ZNF469: variants seen among roughly 807,000 people sequenced by gnomAD.
The protein encoded by ZNF469 is zinc finger protein 469.
In ZNF469, 1 loss-of-function variant was observed where a neutral mutation model predicts 1.0. The observed-to-expected ratio is 1.00, with a 90% CI of 0.35 to 4.73. The LOEUF is 4.73. Among genes scored for constraint, ZNF469 ranks in the 30% most tolerant of loss-of-function variants. The probability of loss-of-function intolerance (pLI) is 0.16; values close to 1 mark genes in which losing one functional copy is unlikely to be tolerated. For synonymous variants in ZNF469, 2,703 were observed against 2,363.4 expected, an observed-to-expected ratio of 1.14 and a Z score of -4.17; for missense variants, 6,100 against 5,356.3, an observed-to-expected ratio of 1.14 and a Z score of -4.33.
the ZNF469 span, among the ~76,000 whole-genome samples, chr16:88,223,764 C>T: frequency 5.9e-5 from 9 of 152,382 alleles, no homozygotes; most frequent in African/African-American, 2.2e-4. Flanking sequence ...CCGCTGTGTC[C>T]TTCCACAGCA....
chr16:88,241,272 T>C, the ZNF469 span, among the ~76,000 whole-genome samples: 1 of 151,568 alleles, frequency 6.6e-6, no homozygotes, highest in Non-Finnish European at 1.5e-5. The surrounding 1 kb of genome is among the most constrained non-coding windows in gnomAD (Gnocchi z 4.8). Context: ...GGCAGGAGAA[T>C]TGCTTGAACT....
At chr16:88,274,865 C>T in the ZNF469 span, among the ~76,000 whole-genome samples, 1 of 152,252 alleles carries the variant, frequency 6.6e-6, no homozygotes, top group Non-Finnish European at 1.5e-5. Context: ...CGCAGACGGA[C>T]ACTGGCAAAC....
At chr16:88,128,902 G>A in the ZNF469 span, among the ~76,000 whole-genome samples, 7 of 152,330 alleles carry the variant, frequency 4.6e-5, no homozygotes, top group South Asian at 4.1e-4. Flanking sequence ...AGCATCTGCC[G>A]CTGCTGAGAA....
the ZNF469 span, among the ~76,000 whole-genome samples, chr16:88,215,383 ATTTTTTT>A: frequency 2.1e-5 from 2 of 94,166 alleles, no homozygotes; most frequent in African/African-American, 4.4e-5. Flanking sequence ...TTGCCTTTTA[ATTTTTTT>A]TTTTTTTTTT....
chr16:88,373,087 T>TA, the ZNF469 span, among the ~76,000 whole-genome samples: 12 of 152,252 alleles, frequency 7.9e-5, no homozygotes, highest in Admixed American at 7.8e-4. Flanking sequence ...AGGCACTCTT[T>TA]TAAGTACTTG....
intron 2 of ZNF469, among the ~76,000 whole-genome samples, chr16:88,427,132 C>G (rs1366449562): frequency 6.6e-6 from 1 of 152,162 alleles, no homozygotes; most frequent in Non-Finnish European, 1.5e-5. Context: ...GGGAAGGGTC[C>G]CTGTTCCATC....
chr16:88,317,782 C>A, the ZNF469 span, among the ~76,000 whole-genome samples: 1 of 152,206 alleles, frequency 6.6e-6, no homozygotes, highest in Admixed American at 6.5e-5. Flanking sequence ...AGGAACCTTC[C>A]AGAAATTCCC....
the ZNF469 span, among the ~76,000 whole-genome samples, chr16:88,272,101 G>T: frequency 6.6e-6 from 1 of 151,768 alleles, no homozygotes; most frequent in South Asian, 2.1e-4. Context: ...ATGAATAGAT[G>T]AGTGGGTAGA....
the ZNF469 span, among the ~76,000 whole-genome samples, chr16:88,285,658 G>A: frequency 5.9e-5 from 9 of 152,238 alleles, no homozygotes; most frequent in Non-Finnish European, 1.2e-4. Context: ...TGGAAGCGTC[G>A]GCACGGTGGG....
At chr16:88,139,743 C>G in the ZNF469 span, among the ~76,000 whole-genome samples, 1 of 152,110 alleles carries the variant, frequency 6.6e-6, no homozygotes, top group South Asian at 2.1e-4. Flanking sequence ...TGCTGTCTGT[C>G]CAGGCTTTGA....
In ZNF469 at chr16:88,430,934, C is replaced by T; in HGVS notation, c.3464C>T (p.Pro1155Leu). Reference sequence around the variant, plus strand: ...GGCGGGGACGGAGCCCCCGCGAACCCCGAGGAGCCGGGCGGGTCTCGCCCG... The same window carrying T: ...GGCGGGGACGGAGCCCCCGCGAACCTCGAGGAGCCGGGCGGGTCTCGCCCG... ...EAGGDGAPAN[P>L]EEPGGSRPGP... is the part of the protein sequence containing the mutation. The change falls in exon 3 of 3, where the codon CCC (proline) becomes CTC (leucine). Residue 1155 changes from proline to leucine, a missense_variant. Transcript: ENST00000565624. 6.5e-7 allele frequency: 1 copy of T among 1,536,128 alleles called. No homozygotes were observed. The highest frequency in any genetic ancestry group is 1.2e-5 in the South Asian group (1 of 83,836).
the ZNF469 span, among the ~76,000 whole-genome samples, chr16:88,330,268 G>C: frequency 6.6e-6 from 1 of 152,240 alleles, no homozygotes; most frequent in African/African-American, 2.4e-5. Context: ...TGGGTGTCCT[G>C]CATGTGTGTG....
chr16:88,130,893 G>T, the ZNF469 span, among the ~76,000 whole-genome samples: 1 of 152,202 alleles, frequency 6.6e-6, no homozygotes, highest in East Asian at 1.9e-4. Context: ...GCGGAGTGGG[G>T]GTGTGAAGTG....
At chr16:88,398,358 CG>C (rs1038626364) in intron 1 of ZNF469, among the ~76,000 whole-genome samples, 2 of 151,426 alleles carry the variant, frequency 1.3e-5, no homozygotes, top group Non-Finnish European at 2.9e-5. Flanking sequence ...ACGTGAGCCA[CG>C]GATGAAGGAG....
At chr16:88,384,256 G>A (rs1392347281) in intron 1 of ZNF469, among the ~76,000 whole-genome samples, 3 of 152,198 alleles carry the variant, frequency 2.0e-5, no homozygotes, top group African/African-American at 2.4e-5. Context: ...TAGTGTCGTG[G>A]ACAGCCCCTG....
the ZNF469 span, among the ~76,000 whole-genome samples, chr16:88,298,822 T>C: frequency 1.3e-5 from 2 of 152,140 alleles, no homozygotes; most frequent in Admixed American, 6.5e-5. Flanking sequence ...CCTTCCATCT[T>C]TGAAGCCAAA....
the ZNF469 span, among the ~76,000 whole-genome samples, chr16:88,203,318 G>T: frequency 6.6e-6 from 1 of 152,160 alleles, no homozygotes; most frequent in Non-Finnish European, 1.5e-5. Flanking sequence ...TTACTCATCC[G>T]CCCGCTCTGT....
intron 1 of ZNF469, among the ~76,000 whole-genome samples, chr16:88,387,192 T>A (rs1904359230): frequency 1.3e-5 from 2 of 152,158 alleles, no homozygotes; most frequent in Non-Finnish European, 2.9e-5. Context: ...CTGAGGACCT[T>A]CCATTGCAAC....
chr16:88,104,248 T>TA, the ZNF469 span, among the ~76,000 whole-genome samples: 316 of 130,476 alleles, frequency 2.4e-3, 1 homozygote, highest in Non-Finnish European at 3.7e-3. Context: ...GACGGTATCT[T>TA]AAAAAAAAAA....
Sources: allele counts gnomAD v4.1 joint callset (sites outside exome capture counted in the v4.1 genomes callset), GRCh38; gene constraint gnomAD v4.1.1; non-coding constraint Gnocchi (gnomAD v3.1); transcripts MANE v1.5; gene names NCBI Gene and HGNC (gene_info 2026-07-23, HGNC 2026-07-21).